DLC1: variants seen among roughly 807,000 people sequenced by gnomAD.
DLC1 encodes DLC1 Rho GTPase activating protein.
Under a neutral mutation model 140.3 loss-of-function variants are expected in DLC1, and 54 were observed. That is an observed-to-expected ratio of 0.38 (90% CI 0.31 to 0.48). The LOEUF is 0.48. Ranked by LOEUF, DLC1 falls within the 20% of genes least tolerant of loss-of-function variation. DLC1 has a pLI of 0.96. For missense variants in DLC1, 2,536 were observed against 1,907.0 expected (o/e 1.33, Z -6.14); for synonymous variants, 986 against 728.1 (o/e 1.35, Z -5.70).
At chr8:13,502,750 C>A (rs901375558) in intron 1 of DLC1, among the ~76,000 whole-genome samples, 9 of 149,922 alleles carry the variant, frequency 6.0e-5, no homozygotes, top group African/African-American at 2.3e-4. Flanking sequence ...ACTTATTTTT[C>A]AGATTTCTAT....
chr8:13,312,178 G>A lies in DLC1; in HGVS notation c.1315-6876C>T, dbSNP rs1172273225. On this transcript the variant is annotated intron_variant, in intron 4 of 17. Transcript: ENST00000276297. Reference sequence around the variant, plus strand: ...AGATCGAGACCATCCTGGCTAACACGGTGAAACCCCGTCTCTACTAAAAAT... The same window carrying A: ...AGATCGAGACCATCCTGGCTAACACAGTGAAACCCCGTCTCTACTAAAAAT... 5.4e-5 allele frequency among the ~76,000 whole-genome samples: 7 copies of A among 130,180 alleles called. 1 individual carries two copies. Among genetic ancestry groups the A allele is most frequent in the East Asian group, 4.1e-4 (2 of 4,916 alleles). The allele number at this position is 130,180 out of a possible 152,430, so 85.4% of individuals were successfully genotyped here.
At chr8:13,556,361 A>C (rs1804045288) in intron 1 of DLC1, among the ~76,000 whole-genome samples, 1 of 152,206 alleles carries the variant, frequency 6.6e-6, no homozygotes, top group African/African-American at 2.4e-5. Flanking sequence ...TGGCAATCCT[A>C]GAAAATATTG....
At chr8:13,379,867 C>A (rs117046440) in intron 4 of DLC1, among the ~76,000 whole-genome samples, 1 of 152,032 alleles carries the variant, frequency 6.6e-6, no homozygotes, top group Non-Finnish European at 1.5e-5. Context: ...AAACTGGAAA[C>A]CATCATTCTC....
intron 2 of DLC1, among the ~76,000 whole-genome samples, chr8:13,442,460 A>C (rs534852719): frequency 5.3e-4 from 81 of 151,846 alleles, no homozygotes; most frequent in South Asian, 1.7e-3. Flanking sequence ...ACTCATCTGA[A>C]AAAGGGCTAA....
At chr8:13,133,658 A>G (rs927825747) in intron 5 of DLC1, among the ~76,000 whole-genome samples, 1 of 151,662 alleles carries the variant, frequency 6.6e-6, no homozygotes, top group African/African-American at 2.4e-5. Flanking sequence ...CCCGGGTGCA[A>G]AGGCAAAGGT....
At chr8:13,128,513 C>A (rs62493015) in intron 5 of DLC1, among the ~76,000 whole-genome samples, 10,027 of 152,270 alleles carry the variant, frequency 0.066, 409 homozygotes, top group Middle Eastern at 0.088. Context: ...AGAGAAGTCT[C>A]GTTGCTGCCT....
chr8:13,179,376 A>C (rs894155962), intron 5 of DLC1, among the ~76,000 whole-genome samples: 7 of 152,160 alleles, frequency 4.6e-5, no homozygotes, highest in African/African-American at 1.7e-4. Flanking sequence ...CCTAACCCTA[A>C]AAATTTATCG....
chr8:13,439,898 A>AT (rs1184509517), intron 2 of DLC1, among the ~76,000 whole-genome samples: 2 of 151,614 alleles, frequency 1.3e-5, no homozygotes, highest in East Asian at 3.9e-4. Flanking sequence ...CAGAAGTGAA[A>AT]TTTTTTTTTC....
At chr8:13,205,811 A>G (rs1477947337) in intron 5 of DLC1, among the ~76,000 whole-genome samples, 1 of 152,210 alleles carries the variant, frequency 6.6e-6, no homozygotes, top group East Asian at 1.9e-4. Context: ...CTCATCTGAA[A>G]GAAATTTGAC....
chr8:13,156,694 C>G (rs1466744790), intron 5 of DLC1, among the ~76,000 whole-genome samples: 1 of 152,140 alleles, frequency 6.6e-6, no homozygotes. Context: ...GTCCCTGTAT[C>G]TGATGTGGCT....
At chr8:13,266,844 T>C (rs902109668) in intron 5 of DLC1, among the ~76,000 whole-genome samples, 4 of 152,076 alleles carry the variant, frequency 2.6e-5, no homozygotes. Flanking sequence ...TTAGAAGGCC[T>C]GATAATAACA....
At chr8:13,317,877 C>G (rs1349791462) in intron 4 of DLC1, among the ~76,000 whole-genome samples, 1 of 152,104 alleles carries the variant, frequency 6.6e-6, no homozygotes, top group East Asian at 1.9e-4. Flanking sequence ...TTGTGAATAA[C>G]TAGGAAAAGT....
chr8:13,505,154 C>T (rs1001983774), intron 1 of DLC1, among the ~76,000 whole-genome samples: 2 of 152,002 alleles, frequency 1.3e-5, no homozygotes, highest in African/African-American at 4.8e-5. Flanking sequence ...TAGTATACTC[C>T]ATAAGCTGTG....
chr8:13,567,370 AC>A, intron 1 of DLC1: 1 of 1,551,746 alleles, frequency 6.4e-7, no homozygotes, highest in Non-Finnish European at 8.7e-7. Context: ...GTCTTATTGC[AC>A]CATGAAGATA....
intron 5 of DLC1, among the ~76,000 whole-genome samples, chr8:13,275,730 C>G (rs1831136024): frequency 6.6e-6 from 1 of 152,164 alleles, no homozygotes; most frequent in Non-Finnish European, 1.5e-5. Flanking sequence ...TACATGACAC[C>G]GTCTTGGAAC....
chr8:13,504,121 A>ATTTTTTT (rs370240794), intron 1 of DLC1, among the ~76,000 whole-genome samples: 68 of 126,444 alleles, frequency 5.4e-4, no homozygotes, highest in African/African-American at 1.9e-3. Flanking sequence ...ATTTCAGAGA[A>ATTTTTTT]TTTTTTTTTT....
chr8:13,152,667 G>T (rs1823910972), intron 5 of DLC1, among the ~76,000 whole-genome samples: 1 of 151,744 alleles, frequency 6.6e-6, no homozygotes, highest in African/African-American at 2.4e-5. Flanking sequence ...ATTAGCCAGG[G>T]ACAGTGGCTT....
chr8:13,154,513 G>C (rs1292231482), intron 5 of DLC1, among the ~76,000 whole-genome samples: 1 of 152,228 alleles, frequency 6.6e-6, no homozygotes, highest in Non-Finnish European at 1.5e-5. Context: ...CCGAGCCCGA[G>C]CCCATCCGGA....
chr8:13,527,601 T>C (rs1259800508), intron 1 of DLC1, among the ~76,000 whole-genome samples: 4 of 152,300 alleles, frequency 2.6e-5, no homozygotes, highest in African/African-American at 9.6e-5. Flanking sequence ...GAACCTACTA[T>C]GGATGATTTG....
Sources: allele counts gnomAD v4.1 joint callset (sites outside exome capture counted in the v4.1 genomes callset), GRCh38; gene constraint gnomAD v4.1.1; transcripts MANE v1.5; gene names NCBI Gene and HGNC (gene_info 2026-07-23, HGNC 2026-07-21).